Variants in ASIC2 observed in about 807,000 individuals in gnomAD.
ASIC2 encodes the protein acid sensing ion channel subunit 2.
ASIC2 carries 25 observed loss-of-function variants against 57.3 expected under a neutral mutation model. The ratio of observed to expected loss-of-function variants is 0.44; its 90% CI spans 0.32 to 0.61. ASIC2 has a LOEUF of 0.61. ASIC2 is among the 20% of genes least tolerant of loss of function. The probability of loss-of-function intolerance (pLI) is 0.06; values close to 1 mark genes in which losing one functional copy is unlikely to be tolerated. For synonymous variants in ASIC2, 319 were observed against 307.5 expected, an observed-to-expected ratio of 1.04 and a Z score of -0.39; for missense variants, 641 against 738.1, an observed-to-expected ratio of 0.87 and a Z score of 1.52.
chr17:33,385,868 T>C (rs536542497), intron 1 of ASIC2, among the ~76,000 whole-genome samples: 1 of 152,304 alleles, frequency 6.6e-6, no homozygotes, highest in South Asian at 2.1e-4. Context: ...TGAGGAGGAA[T>C]GGCAAAGCCC....
At chr17:33,409,951 C>A (rs1597718387) in intron 1 of ASIC2, among the ~76,000 whole-genome samples, 1 of 152,216 alleles carries the variant, frequency 6.6e-6, no homozygotes, top group African/African-American at 2.4e-5. Flanking sequence ...TACACCAGTA[C>A]AAACCAGCTC....
At chr17:33,178,889 C>T (rs1905869094) in intron 1 of ASIC2, among the ~76,000 whole-genome samples, 1 of 152,200 alleles carries the variant, frequency 6.6e-6, no homozygotes, top group Admixed American at 6.5e-5. Context: ...AGAGCCATCA[C>T]CAGGGTTGGC....
rs1228191321 is a variant in ASIC2, at chr17:33,912,097, G to A, written c.555+243881C>T. 8.5e-5 allele frequency among the ~76,000 whole-genome samples: 11 copies of A among 128,820 alleles called. No individual in the cohort carries two copies. In the South Asian group the frequency reaches 1.0e-3, roughly 12 times the overall value. 84.5% of individuals were successfully genotyped at this position (128,820 alleles called of 152,430 possible). On this transcript the variant is annotated intron_variant, in intron 1 of 9. Transcript: ENST00000359872. ...AGAGGTTGCAGTGAGCTGAAATCAC[G>A]CCATTGCACTCCAGCCTGGGTAACA...
chr17:33,640,635 G>C (rs1906531837), intron 1 of ASIC2, among the ~76,000 whole-genome samples: 1 of 152,238 alleles, frequency 6.6e-6, no homozygotes, highest in African/African-American at 2.4e-5. Flanking sequence ...GAAACTGCAA[G>C]GGCCTCACAG....
chr17:33,535,949 T>G (rs539234392), intron 1 of ASIC2, among the ~76,000 whole-genome samples: 3 of 152,156 alleles, frequency 2.0e-5, no homozygotes, highest in Admixed American at 1.3e-4. Context: ...GTATTTGATA[T>G]AGCAGCCAGC....
At chr17:33,209,211 T>A (rs923020868) in intron 1 of ASIC2, among the ~76,000 whole-genome samples, 4 of 152,218 alleles carry the variant, frequency 2.6e-5, no homozygotes, top group Admixed American at 2.6e-4. Flanking sequence ...TGACTCTTTC[T>A]CCCAGTCTTC....
intron 3 of ASIC2, among the ~76,000 whole-genome samples, chr17:33,033,274 C>T (rs1051632922): frequency 3.9e-5 from 6 of 152,166 alleles, no homozygotes; most frequent in African/African-American, 1.4e-4. Flanking sequence ...GGGGCTACAG[C>T]CGCCCAAACT....
intron 1 of ASIC2, among the ~76,000 whole-genome samples, chr17:33,506,176 C>T (rs546387657): frequency 1.1e-3 from 156 of 146,796 alleles, no homozygotes; most frequent in African/African-American, 3.3e-3. Flanking sequence ...GGGCAGATCA[C>T]GAGGTCAGGA....
intron 3 of ASIC2, among the ~76,000 whole-genome samples, chr17:33,040,517 AT>A (rs1490470218): frequency 1.3e-5 from 2 of 152,236 alleles, no homozygotes; most frequent in Admixed American, 1.3e-4. Context: ...GAGTCTACAT[AT>A]CTCACTTACT....
intron 1 of ASIC2, among the ~76,000 whole-genome samples, chr17:33,770,522 A>C (rs1236446481): frequency 6.6e-6 from 1 of 152,174 alleles, no homozygotes; most frequent in Non-Finnish European, 1.5e-5. Flanking sequence ...GGCATGAAGA[A>C]GTTCACTCTA....
At chr17:33,964,564 C>T (rs564947384) in intron 1 of ASIC2, among the ~76,000 whole-genome samples, 18 of 152,336 alleles carry the variant, frequency 1.2e-4, no homozygotes, top group East Asian at 5.8e-4. Flanking sequence ...GGTGATACCA[C>T]GCTGCAAAAC....
intron 1 of ASIC2, among the ~76,000 whole-genome samples, chr17:33,426,716 G>A (rs1360172468): frequency 6.6e-6 from 1 of 152,244 alleles, no homozygotes; most frequent in Non-Finnish European, 1.5e-5. Flanking sequence ...AGGACCTGCT[G>A]TATGCCAGGT....
intron 1 of ASIC2, among the ~76,000 whole-genome samples, chr17:33,147,812 A>C (rs2142025490): frequency 6.6e-6 from 1 of 152,312 alleles, no homozygotes; most frequent in East Asian, 1.9e-4. Flanking sequence ...GCTTGCAACA[A>C]GCCTGTGGAC....
intron 1 of ASIC2, among the ~76,000 whole-genome samples, chr17:33,249,713 G>T (rs1908816353): frequency 6.6e-6 from 1 of 152,198 alleles, no homozygotes; most frequent in South Asian, 2.1e-4. Context: ...TGCTCACTCT[G>T]GAGGCCTCTT....
chr17:33,894,507 G>A (rs1255504414), intron 1 of ASIC2, among the ~76,000 whole-genome samples: 1 of 152,078 alleles, frequency 6.6e-6, no homozygotes, highest in African/African-American at 2.4e-5. Context: ...CCACCACTAT[G>A]AGAGTCATAT....
intron 1 of ASIC2, among the ~76,000 whole-genome samples, chr17:33,687,950 C>T (rs1398599757): frequency 6.6e-6 from 1 of 152,134 alleles, no homozygotes; most frequent in African/African-American, 2.4e-5. Flanking sequence ...GGACCGAAAC[C>T]ATTACATGCA....
chr17:33,660,598 T>A (rs1201368854), intron 1 of ASIC2, among the ~76,000 whole-genome samples: 1 of 152,210 alleles, frequency 6.6e-6, no homozygotes, highest in Non-Finnish European at 1.5e-5. Context: ...AGTAGCACAG[T>A]CATTTATTAA....
At chr17:33,493,493 T>G (rs532110723) in intron 1 of ASIC2, among the ~76,000 whole-genome samples, 1 of 152,272 alleles carries the variant, frequency 6.6e-6, no homozygotes. Flanking sequence ...CTTCCATAGC[T>G]TTTCCTTTCT....
rs1056745834 is a variant in ASIC2, at chr17:33,261,489, A to G, written c.708+29919T>C. ...CATGGGCCTCTGGTGACCTGGAGAA[A>G]GTCAATTAACTTTTGATGAGTGACA... On this transcript the variant is annotated intron_variant, in intron 1 of 9. Coordinates refer to ENST00000225823, the MANE Select transcript of ASIC2 (RefSeq NM_183377.2). Among the ~76,000 whole-genome samples, 49 of 152,182 alleles carry G rather than the reference A, an allele frequency of 3.2e-4. 1 individual carries two copies.
Sources: allele counts gnomAD v4.1 joint callset (sites outside exome capture counted in the v4.1 genomes callset), GRCh38; gene constraint gnomAD v4.1.1; transcripts MANE v1.5; gene names NCBI Gene and HGNC (gene_info 2026-07-23, HGNC 2026-07-21).